Variants in LRRC7 observed in about 807,000 individuals in gnomAD.
LRRC7 encodes leucine-rich repeat-containing protein 7.
A neutral mutation model predicts 175.7 loss-of-function variants in LRRC7; 23 were observed. The ratio of observed to expected loss-of-function variants is 0.13; its 90% CI spans 0.09 to 0.19. The LOEUF is 0.19. Ranked by LOEUF, LRRC7 falls within the 10% of genes least tolerant of loss-of-function variation. The pLI, the probability that LRRC7 is intolerant of heterozygous loss-of-function variation, is 1.00. For missense variants in LRRC7, 1,354 were observed against 1,904.7 expected, an observed-to-expected ratio of 0.71 and a Z score of 5.38; for synonymous variants, 685 against 680.9, an observed-to-expected ratio of 1.01 and a Z score of -0.09.
intron 7 of LRRC7, among the ~76,000 whole-genome samples, chr1:69,858,737 G>A (rs1201691950): frequency 6.6e-6 from 1 of 152,030 alleles, no homozygotes; most frequent in Non-Finnish European, 1.5e-5. Context: ...TAAATTATGA[G>A]TCATAAGATA....
intron 1 of LRRC7, among the ~76,000 whole-genome samples, chr1:69,616,852 A>C (rs1649706420): frequency 6.6e-6 from 1 of 152,106 alleles, no homozygotes; most frequent in Non-Finnish European, 1.5e-5. Flanking sequence ...ATTGTCCTAT[A>C]ATAAATCACT....
chr1:69,640,469 A>C, intron 1 of LRRC7, among the ~76,000 whole-genome samples: 1 of 151,586 alleles, frequency 6.6e-6, no homozygotes, highest in Non-Finnish European at 1.5e-5. Flanking sequence ...CTCAGGAACA[A>C]AGTCACTTTT....
chr1:70,076,778 A>T (rs1217387114), intron 24 of LRRC7, among the ~76,000 whole-genome samples: 1 of 152,204 alleles, frequency 6.6e-6, no homozygotes, highest in African/African-American at 2.4e-5. Context: ...TATGAAGATA[A>T]TTATAAAGAA....
intron 7 of LRRC7, among the ~76,000 whole-genome samples, chr1:69,853,074 G>C (rs553634134): frequency 1.3e-4 from 20 of 152,058 alleles, no homozygotes; most frequent in African/African-American, 4.8e-4. Context: ...ATGCCCAAAT[G>C]CAGCTACTGT....
At chr1:69,671,070 C>T (rs1659000001) in intron 1 of LRRC7, among the ~76,000 whole-genome samples, 1 of 152,100 alleles carries the variant, frequency 6.6e-6, no homozygotes, top group Non-Finnish European at 1.5e-5. Flanking sequence ...TCACTTTTCT[C>T]AAGCAAGAGG....
chr1:69,890,809 G>A (rs1645811622), intron 7 of LRRC7, among the ~76,000 whole-genome samples: 1 of 152,200 alleles, frequency 6.6e-6, no homozygotes, highest in South Asian at 2.1e-4. Context: ...GCACTTTTAT[G>A]TCATGAAGAT....
chr1:69,936,591 G>A (rs1460141083), intron 8 of LRRC7, among the ~76,000 whole-genome samples: 1 of 151,984 alleles, frequency 6.6e-6, no homozygotes, highest in Non-Finnish European at 1.5e-5. Context: ...TAAGGTTCAG[G>A]TGGTGCATGT....
At position 70,005,516 on chromosome 1, in the gene LRRC7, TA is replaced by T. The variant is rs1357224799; in HGVS notation, c.1005-6278del. On this transcript the variant is annotated intron_variant, in intron 11 of 26. Transcript: ENST00000651989. ...CAAGAGCAACTCATGAACATGAAAC[TA>T]AAGTAGAGAAAACTGTACAGAATAT... is the stretch of plus-strand genomic sequence containing the variant. Among the ~76,000 whole-genome samples, 6 of 152,188 alleles carry T rather than the reference TA, an allele frequency of 3.9e-5. No individual in the cohort carries two copies. In the East Asian group the frequency reaches 9.6e-4, roughly 24 times the overall value.
chr1:69,697,396 A>G (rs1662745625), intron 2 of LRRC7, among the ~76,000 whole-genome samples: 2 of 152,222 alleles, frequency 1.3e-5, no homozygotes, highest in South Asian at 4.1e-4. Flanking sequence ...CTGAAGATAG[A>G]GTAGATTCTC....
At chr1:70,036,335 C>A in intron 19 of LRRC7, 103 bp downstream of exon 19, 2 of 1,385,338 alleles carry the variant, frequency 1.4e-6, no homozygotes, top group South Asian at 1.3e-5. Context: ...AAATGTTTTA[C>A]AAATATGCAT....
intron 4 of LRRC7, among the ~76,000 whole-genome samples, chr1:69,811,500 G>A (rs1044316001): frequency 2.0e-5 from 3 of 152,108 alleles, no homozygotes; most frequent in South Asian, 4.1e-4. Flanking sequence ...ATTCACAATA[G>A]CAAAGACTTG....
At chr1:70,037,995 G>T in intron 20 of LRRC7, 118 bp from the exon 21 acceptor site, 5 of 1,266,470 alleles carry the variant, frequency 3.9e-6, no homozygotes, top group Non-Finnish European at 5.5e-6. Context: ...TCATAAGTCA[G>T]GTGAGGATTA....
chr1:69,777,820 C>A (rs1034001682), intron 3 of LRRC7, among the ~76,000 whole-genome samples: 1 of 152,212 alleles, frequency 6.6e-6, no homozygotes, highest in South Asian at 2.1e-4. Flanking sequence ...GAATAGTCTC[C>A]TTGCTGTTAC....
chr1:70,107,475 GA>G (rs796785633), intron 25 of LRRC7, among the ~76,000 whole-genome samples: 1 of 151,978 alleles, frequency 6.6e-6, no homozygotes, highest in Non-Finnish European at 1.5e-5. Context: ...ATGATTTAAG[GA>G]AAAAATCATT....
rs1233533989 is a variant in LRRC7 at position 69,626,809 on chromosome 1, T to TGA, written c.3-51569_3-51568dup. ...TCATTGTTCAATTCCCACTTTTGAG[T>TGA]GAGAACATGCGGTGTTTTGTTTTTT... On this transcript the variant is annotated intron_variant, in intron 1 of 26. Transcript: ENST00000651989. 9.4e-5 allele frequency among the ~76,000 whole-genome samples: 14 copies of TGA among 149,268 alleles called. No homozygotes were observed. In the South Asian group the frequency reaches 1.1e-3, roughly 11 times the overall value.
chr1:69,589,890 G>T (rs1327814151), intron 1 of LRRC7, among the ~76,000 whole-genome samples: 1 of 151,874 alleles, frequency 6.6e-6, no homozygotes, highest in Non-Finnish European at 1.5e-5. Context: ...TCCAGCTTTT[G>T]AAATTTCAAG....
chr1:69,878,276 GA>G (rs369453827), intron 7 of LRRC7, among the ~76,000 whole-genome samples: 2,112 of 123,876 alleles, frequency 0.017, 26 homozygotes, highest in South Asian at 0.028. Context: ...CCTTATCTTA[GA>G]AAAAAAAAAA....
chr1:69,730,390 A>G (rs1258205665), intron 2 of LRRC7, among the ~76,000 whole-genome samples: 4 of 152,104 alleles, frequency 2.6e-5, no homozygotes, highest in African/African-American at 9.7e-5. Flanking sequence ...GCTGCATAGA[A>G]ATTTCTTCCA....
intron 5 of LRRC7, among the ~76,000 whole-genome samples, chr1:69,829,817 G>T (rs1302834387): frequency 6.6e-6 from 1 of 151,710 alleles, no homozygotes; most frequent in South Asian, 2.1e-4. Flanking sequence ...ACTTATGATT[G>T]TCATCTTCAT....
Sources: gnomAD v4.1 joint callset for allele counts (sites outside exome capture counted in the v4.1 genomes callset) on GRCh38, gnomAD v4.1.1 for gene constraint, MANE v1.5 for transcripts, NCBI Gene and HGNC (gene_info 2026-07-23, HGNC 2026-07-21) for gene names.